ZNF782: variants seen among roughly 807,000 people sequenced by gnomAD.
ZNF782 encodes zinc finger protein 782.
Under a neutral mutation model 13.0 loss-of-function variants are expected in ZNF782, and 12 were observed. The observed-to-expected ratio is 0.92, with a 90% confidence interval of 0.59 to 1.50. The LOEUF (loss-of-function observed/expected upper bound fraction) is 1.50, where lower values mean the gene tolerates loss of function less well. Ranked by LOEUF, ZNF782 falls within the 40% of genes most tolerant of loss-of-function variation. ZNF782 has a pLI of 0.00. For missense variants in ZNF782, 770 were observed against 822.9 expected (o/e 0.94, Z 0.79); for synonymous variants, 284 against 283.0 (o/e 1.00, Z -0.04).
At chr9:96,894,875 C>G in the ZNF782 span, 1 of 152,110 alleles carries the variant, frequency 6.6e-6, no homozygotes, top group Admixed American at 6.6e-5. Context: ...CTATATGCAC[C>G]ATCATACCTG....
chr9:96,887,341 G>C, the ZNF782 span: 1 of 142,868 alleles, frequency 7.0e-6, no homozygotes, highest in Non-Finnish European at 1.5e-5. Context: ...AAGGAAGGAA[G>C]AAAGAAAGAA....
chr9:96,871,912 A>T (rs1256162744), intron 1 of ZNF782, among the ~76,000 whole-genome samples: 1 of 152,172 alleles, frequency 6.6e-6, no homozygotes, highest in Non-Finnish European at 1.5e-5. Context: ...TGCATTGATC[A>T]CCCAAAATTA....
intron 5 of ZNF782, among the ~76,000 whole-genome samples, chr9:96,823,127 A>T (rs144566661): frequency 5.3e-5 from 8 of 152,306 alleles, no homozygotes; most frequent in Middle Eastern, 3.4e-3. Context: ...CCAGAGAGTA[A>T]ATGTTTTCCA....
At chr9:96,860,098 G>A (rs769666280) in intron 3 of ZNF782, 1 of 152,268 alleles carries the variant, frequency 6.6e-6, no homozygotes. Context: ...CCAGCTCAGC[G>A]ATGGTAGAAC....
the ZNF782 span, among the ~76,000 whole-genome samples, chr9:96,911,731 A>G: frequency 7.3e-5 from 11 of 151,616 alleles, no homozygotes; most frequent in East Asian, 2.0e-4. Flanking sequence ...CGTGTTAGCG[A>G]GGATGGTCTC....
chr9:96,827,223 G>A, intron 4 of ZNF782, 42 bp from the exon 5 acceptor site: 2 of 1,411,504 alleles, frequency 1.4e-6, no homozygotes, highest in Non-Finnish European at 2.0e-6. Context: ...TAGTTGCATA[G>A]GTTCTACTGT....
intron 1 of ZNF782, among the ~76,000 whole-genome samples, chr9:96,866,362 G>A (rs1333635305): frequency 6.6e-6 from 1 of 152,218 alleles, no homozygotes; most frequent in Non-Finnish European, 1.5e-5. Flanking sequence ...TTGCTTCAGA[G>A]GGTGGAAGCC....
At chr9:96,860,693 C>T (rs1248391478) in intron 2 of ZNF782, among the ~76,000 whole-genome samples, 2 of 152,062 alleles carry the variant, frequency 1.3e-5, no homozygotes, top group African/African-American at 4.8e-5. Context: ...CAAATTATAC[C>T]GTACAGCTAT....
chr9:96,838,403 A>C (rs1564004892), intron 4 of ZNF782, among the ~76,000 whole-genome samples: 2 of 152,316 alleles, frequency 1.3e-5, no homozygotes, highest in East Asian at 3.9e-4. Flanking sequence ...TGTTCAGGTC[A>C]TTTATATCCT....
chr9:96,866,575 A>G (rs1195851108), intron 1 of ZNF782, among the ~76,000 whole-genome samples: 2 of 152,188 alleles, frequency 1.3e-5, no homozygotes, highest in African/African-American at 4.8e-5. Context: ...CGGAGCCCCC[A>G]TACAGAGTCG....
intron 1 of ZNF782, among the ~76,000 whole-genome samples, chr9:96,872,807 A>G (rs946199143): frequency 6.6e-6 from 1 of 152,208 alleles, no homozygotes; most frequent in Admixed American, 6.5e-5. Flanking sequence ...ATTAGATGGC[A>G]TCTTTGAATA....
chr9:96,931,565 T>C, the ZNF782 span, among the ~76,000 whole-genome samples: 3 of 151,604 alleles, frequency 2.0e-5, no homozygotes, highest in African/African-American at 7.3e-5. Flanking sequence ...GACTCTGCCG[T>C]GGAGGAACAG....
rs202014406 is a variant in ZNF782, at chr9:96,819,062, G to A, written c.961C>T (p.Arg321Cys). The A allele has an allele frequency of 5.0e-4, 806 of 1,614,058 alleles. 8 individuals carry two copies. The South Asian group carries it at 5.2e-3, about 10-fold the overall frequency. ...TGATGCACTGGGAGGGTTGAATTAC[G>A]GTTGAAACTTTTTCCATATTCAAAG... ...KPFEYGKSFNRNSTLPVHQRT... is the reference protein window; with the variant it reads ...KPFEYGKSFNCNSTLPVHQRT... The change falls in exon 6 of 6, where the codon CGT becomes TGT. Residue 321 changes from arginine to cysteine, a missense_variant. Coordinates refer to ENST00000481138, the MANE Select transcript of ZNF782 (RefSeq NM_001001662.3).
In ZNF782 at chr9:96,818,086, T is replaced by C. The variant is rs539700759; in HGVS notation, c.1937A>G (p.Tyr646Cys). Residue 646 changes from tyrosine (Y) to cysteine (C), a missense_variant, in exon 6 of 6, where the codon TAT becomes TGT. Coordinates refer to ENST00000481138, the MANE Select transcript of ZNF782 (RefSeq NM_001001662.3). ...AGCTTCCCCACACTGATTACAATTA[T>C]ATGGTTTCTCCCCGGTGTGAGTTCG... is the stretch of plus-strand genomic sequence containing the variant. ...HQRTHTGEKP[Y>C]NCNQCGEAFS... 4.8e-4 allele frequency: 773 copies of C among 1,613,910 alleles called. 10 individuals carry two copies. The South Asian group carries it at 8.0e-3, about 17-fold the overall frequency.
In ZNF782 at chr9:96,817,851, G is replaced by A. The variant is rs1850219678; in HGVS notation, c.*72C>T. 8 of 1,341,202 alleles carry A rather than the reference G, an allele frequency of 6.0e-6. No homozygotes were observed. In the South Asian group the frequency reaches 8.9e-5, roughly 15 times the overall value. 83.1% of individuals were successfully genotyped at this position (1,341,202 alleles called of 1,614,324 possible). On this transcript the variant is annotated 3_prime_UTR_variant, in exon 6 of 6. Coordinates refer to ENST00000481138, the MANE Select transcript of ZNF782 (RefSeq NM_001001662.3). Reference sequence around the variant, plus strand: ...CTCACTATGTTAACAGTTCTCTCCTGTGTGTTCATTTATGTATTGTGAGGT... The same window carrying A: ...CTCACTATGTTAACAGTTCTCTCCTATGTGTTCATTTATGTATTGTGAGGT...
rs192261685 is a variant in ZNF782 at position 96,850,545 on chromosome 9, T to G, written c.15+1402A>C. 1.3e-5 allele frequency among the ~76,000 whole-genome samples: 2 copies of G among 152,192 alleles called. No individual in the cohort carries two copies. The highest frequency in any genetic ancestry group is 3.9e-4 in the East Asian group (2 of 5,160). ...GGTGCTAGGGATAAAAAACTACCTATAAGGCACAATGTACACTACTTGTCA... is the reference window on the plus strand; with the variant it reads ...GGTGCTAGGGATAAAAAACTACCTAGAAGGCACAATGTACACTACTTGTCA... On this transcript the variant is annotated intron_variant, in intron 3 of 5. Coordinates refer to ENST00000481138, the MANE Select transcript of ZNF782 (RefSeq NM_001001662.3). This position sits in a 1 kb window ranked among gnomAD's most constrained non-coding sequence, Gnocchi z 4.3.
chr9:96,874,275 A>C (rs1851865481), intron 1 of ZNF782, among the ~76,000 whole-genome samples: 1 of 152,184 alleles, frequency 6.6e-6, no homozygotes, highest in Non-Finnish European at 1.5e-5. Context: ...AATGGTTTCA[A>C]ATGAGTCACA....
Position 96,844,958 on chromosome 9 carries a change from A to G in ZNF782, c.74T>C (p.Met25Thr). Reference sequence around the variant, plus strand: ...GTACAGGGTCCTCTCAACAGGGCCCATGTGCTGCCACTCCTCCTGGCTGAA... The same window carrying G: ...GTACAGGGTCCTCTCAACAGGGCCCGTGTGCTGCCACTCCTCCTGGCTGAA... ...VEFSQEEWQH[M>T]GPVERTLYRD... Residue 25 changes from methionine to threonine, a missense_variant, in exon 4 of 6, where the codon ATG (methionine) becomes ACG (threonine). Met to Thr is a moderately conservative substitution (Grantham distance 81). Transcript: ENST00000481138. The G allele has an allele frequency of 6.2e-7, 1 of 1,613,980 alleles. No individual in the cohort carries two copies. The highest frequency in any genetic ancestry group is 8.5e-7 in the Non-Finnish European group (1 of 1,179,944).
chr9:96,841,427 C>A (rs1056463079), intron 4 of ZNF782, among the ~76,000 whole-genome samples: 5 of 151,864 alleles, frequency 3.3e-5, no homozygotes, highest in Admixed American at 3.3e-4. Flanking sequence ...CAGACAAAGG[C>A]AGTACAAAAC....
Sources: allele counts gnomAD v4.1 joint callset (sites outside exome capture counted in the v4.1 genomes callset), GRCh38; gene constraint gnomAD v4.1.1; non-coding constraint Gnocchi (gnomAD v3.1); transcripts MANE v1.5; gene names NCBI Gene and HGNC (gene_info 2026-07-23, HGNC 2026-07-21).